NTRK1: variants seen among roughly 807,000 people sequenced by gnomAD.
NTRK1 encodes high affinity nerve growth factor receptor.
A neutral mutation model predicts 86.8 loss-of-function variants in NTRK1; 62 were observed. The observed-to-expected ratio is 0.71, with a 90% CI of 0.58 to 0.88. The LOEUF is 0.88. Among genes scored for constraint, NTRK1 ranks in the 40% least tolerant of loss-of-function variants. The probability of loss-of-function intolerance (pLI) is 0.00; values close to 1 mark genes in which losing one functional copy is unlikely to be tolerated. For synonymous variants in NTRK1, 469 were observed against 456.6 expected (o/e 1.03, Z -0.35); for missense variants, 967 against 1,078.4 (o/e 0.90, Z 1.45).
intron 1 of NTRK1, chr1:156,840,785 T>C: frequency 9.9e-7 from 1 of 1,009,124 alleles, no homozygotes; most frequent in Non-Finnish European, 1.5e-6. Context: ...TGAGTTGGGG[T>C]GGGGGTGAAC....
At chr1:156,871,829 G>T in intron 7 of NTRK1, 74 bp downstream of exon 7, 1 of 1,600,554 alleles carries the variant, frequency 6.2e-7, no homozygotes. Flanking sequence ...TGTAGGGTGG[G>T]GGGCTGGAAG....
At chr1:156,860,690 T>C (rs2102878190), upstream of NTRK1, 1 of 603,750 alleles carries the variant, frequency 1.7e-6, no homozygotes, top group Non-Finnish European at 2.5e-6. Flanking sequence ...CTGAGGCGGA[T>C]CCTCGGGGAG....
Position 156,826,293 on chromosome 1 carries a change from C to CTTTTTTT in NTRK1, c.-64+10472_-64+10478dup, listed in dbSNP as rs386368405. Among the ~76,000 whole-genome samples the CTTTTTTT allele has an allele frequency of 7.7e-4, 68 of 88,442 alleles. 6 individuals are homozygous for CTTTTTTT. The highest frequency in any genetic ancestry group is 0.013 in the Middle Eastern group (1 of 78). The allele number at this position is 88,442 out of a possible 152,430, so 58.0% of individuals were successfully genotyped here. On this transcript the variant is annotated intron_variant, in intron 1 of 16. Coordinates refer to the NTRK1 transcript ENST00000392302. ...ACGTTGTCCAGGCTAGACTTGAGCTCTTTTTTTTTTTTTTTTTTTTTTTCT... is the reference window on the plus strand; with the variant it reads ...ACGTTGTCCAGGCTAGACTTGAGCTCTTTTTTTTTTTTTTTTTTTTTTTTTTTTTTCT...
chr1:156,860,208 C>T (rs1655566169), upstream of NTRK1, among the ~76,000 whole-genome samples: 1 of 152,286 alleles, frequency 6.6e-6, no homozygotes, highest in Non-Finnish European at 1.5e-5. Flanking sequence ...GATCGCACCC[C>T]CAGGCACCCA....
At position 156,861,088 on chromosome 1, in the gene NTRK1, C is replaced by A; in HGVS notation, c.154C>A (p.Arg52=). 6.3e-7 allele frequency: 1 copy of A among 1,582,932 alleles called. No individual in the cohort carries two copies. Among genetic ancestry groups the A allele is most frequent in the South Asian group, 1.1e-5 (1 of 87,834 alleles). Residue 52 remains arginine, a synonymous_variant, in exon 1 of 17, where the codon CGG becomes AGG. Coordinates refer to ENST00000524377, the MANE Select transcript of NTRK1 (RefSeq NM_002529.4). ...PHGSSGLRCT[R]DGALDSLHHL... ...CGGCTCCTCGGGACTGCGATGCACC[C>A]GGGATGGGGCCCTGGATAGCCTCCA...
chr1:156,879,017 CCCCAGTCTCCTCT>C, intron 14 of NTRK1, 92 bp from the exon 15 acceptor site: 1 of 1,368,906 alleles, frequency 7.3e-7, no homozygotes, highest in East Asian at 2.3e-5. Context: ...ACTTCCAGGT[CCCCAGTCTCCTCT>C]CCCATCACAC....
chr1:156,878,368 G>C (rs549323577), intron 14 of NTRK1, among the ~76,000 whole-genome samples: 1 of 152,088 alleles, frequency 6.6e-6, no homozygotes, highest in Non-Finnish European at 1.5e-5. Context: ...ATTCCCACCC[G>C]TGGTGCCTGC....
chr1:156,859,317 C>T (rs1655525431), upstream of NTRK1, among the ~76,000 whole-genome samples: 1 of 152,128 alleles, frequency 6.6e-6, no homozygotes, highest in African/African-American at 2.4e-5. The surrounding 1 kb of genome is among the most constrained non-coding windows in gnomAD (Gnocchi z 6.2). Context: ...ACTGAGCTTC[C>T]TCAAATCCCG....
Position 156,866,938 on chromosome 1 carries a change from C to G in NTRK1, c.388C>G (p.Leu130Val). 6.2e-7 allele frequency: 1 copy of G among 1,614,252 alleles called. No homozygotes were observed. Among genetic ancestry groups the G allele is most frequent in the Non-Finnish European group, 8.5e-7 (1 of 1,180,036 alleles). The change falls in exon 4 of 17, where the codon CTC becomes GTC. Residue 130 changes from leucine to valine, a missense_variant. Around this residue, in one of 2 missense-constraint regions of NTRK1, gnomAD observed 330 missense variants for 302.0 expected, o/e 1.09. Coordinates refer to ENST00000524377, the MANE Select transcript of NTRK1 (RefSeq NM_002529.4). ...LNLSFNALES[L>V]SWKTVQGLSL... ...TCTCTCCTTCAACGCTCTGGAGTCT[C>G]TCTCCTGGAAAACTGTGCAGGGCCT...
intron 2 of NTRK1, chr1:156,849,606 G>A: frequency 1.6e-6 from 1 of 634,524 alleles, no homozygotes; most frequent in Non-Finnish European, 2.8e-6. Context: ...CACACCGGGG[G>A]CATTCGTGCA....
At chr1:156,841,856 C>T in intron 1 of NTRK1, 1 of 1,612,824 alleles carries the variant, frequency 6.2e-7, no homozygotes, top group Non-Finnish European at 8.5e-7. Flanking sequence ...CTAGCTCCTG[C>T]CCCTGGGATA....
At chr1:156,879,030 T>A in intron 14 of NTRK1, 92 bp from the exon 15 acceptor site, 1 of 1,465,226 alleles carries the variant, frequency 6.8e-7, no homozygotes, top group Non-Finnish European at 9.4e-7. Context: ...CAGTCTCCTC[T>A]CCCATCACAC....
intron 2 of NTRK1, chr1:156,845,366 G>T (rs1313647894): frequency 2.5e-6 from 4 of 1,590,282 alleles, no homozygotes; most frequent in East Asian, 2.2e-5. Context: ...CCCTAGTCCT[G>T]CTCACCTTTG....
chr1:156,871,542 G>C (rs985261413), intron 6 of NTRK1, 81 bp from the exon 7 acceptor site: 9 of 1,518,638 alleles, frequency 5.9e-6, no homozygotes, highest in Admixed American at 5.1e-5. Context: ...TCTGGAGCCA[G>C]AGGGGCTCTC....
chr1:156,846,820 G>C (rs61813769), intron 2 of NTRK1: 137,244 of 1,298,854 alleles, frequency 0.11, 7,571 homozygotes, highest in South Asian at 0.14. Flanking sequence ...TGGCACCCCC[G>C]CTCTGAATCA....
chr1:156,864,479 G>A (rs748858057), intron 2 of NTRK1, 51 bp downstream of exon 2: 3 of 1,580,618 alleles, frequency 1.9e-6, no homozygotes, highest in Non-Finnish European at 2.6e-6. Flanking sequence ...GCCTGGGGGA[G>A]ACCAGAAGGT....
intron 1 of NTRK1, among the ~76,000 whole-genome samples, chr1:156,830,109 C>T (rs1048339548): frequency 3.3e-5 from 5 of 152,246 alleles, no homozygotes; most frequent in Non-Finnish European, 7.3e-5. Context: ...TCTGTGGCTC[C>T]GCTCTGCAAG....
intron 1 of NTRK1, among the ~76,000 whole-genome samples, chr1:156,821,617 AAGG>A (rs776468084): frequency 6.6e-5 from 10 of 152,148 alleles, no homozygotes; most frequent in Non-Finnish European, 1.3e-4. Context: ...GTGGTGAGGA[AAGG>A]AGAAGTGCAG....
intron 1 of NTRK1, among the ~76,000 whole-genome samples, chr1:156,818,785 C>T (rs1046096234): frequency 3.9e-5 from 6 of 152,270 alleles, no homozygotes; most frequent in Non-Finnish European, 5.9e-5. Flanking sequence ...TATAAACATG[C>T]GTGTGCATGT....
Sources: allele counts gnomAD v4.1 joint callset (sites outside exome capture counted in the v4.1 genomes callset), GRCh38; gene constraint gnomAD v4.1.1; regional missense constraint gnomAD v4.1.1; non-coding constraint Gnocchi (gnomAD v3.1); transcripts MANE v1.5; gene names NCBI Gene and HGNC (gene_info 2026-07-23, HGNC 2026-07-21).